ESPNL: variants seen among roughly 807,000 people sequenced by gnomAD.
ESPNL encodes espin-like protein.
A neutral mutation model predicts 46.8 loss-of-function variants in ESPNL; 49 were observed. That is an observed-to-expected ratio of 1.05 (90% CI 0.83 to 1.33). ESPNL has a LOEUF of 1.33. Ranked by LOEUF, ESPNL falls within the 40% of genes most tolerant of loss-of-function variation. The probability of loss-of-function intolerance (pLI) is 0.00; values close to 1 mark genes in which losing one functional copy is unlikely to be tolerated. For missense variants in ESPNL, 1,540 were observed against 1,436.6 expected (o/e 1.07, Z -1.16); for synonymous variants, 664 against 662.1 (o/e 1.00, Z -0.04).
intron 5 of ESPNL, among the ~76,000 whole-genome samples, chr2:238,118,828 TGGAGGAGGGTGGAA>T (rs1691898301): frequency 1.1e-5 from 1 of 92,140 alleles, no homozygotes; most frequent in African/African-American, 4.4e-5. Flanking sequence ...GAGGAATGGA[TGGAGGAGGGTGGAA>T]GGAAGAGGGT....
rs61571075 is a variant in ESPNL at position 238,128,781 on chromosome 2, C to T, written c.1290C>T (p.Gly430=). The T allele has an allele frequency of 1.3e-6, 2 of 1,580,350 alleles. No individual in the cohort carries two copies. The highest frequency in any genetic ancestry group is 1.7e-6 in the Non-Finnish European group (2 of 1,164,342). Residue 430 remains glycine (G), a synonymous_variant, in exon 8 of 9, where the codon GGC becomes GGT. Transcript: ENST00000343063. ...TACAGCTGGATGGGCTGCCCTCAGG[C>T]GACATCGACGGGCTGGTGCCCACGC... ...AALQLDGLPS[G]DIDGLVPTRD... is the part of the protein sequence containing the mutation.
At chr2:238,127,575 C>A in intron 6 of ESPNL, 47 bp from the exon 7 acceptor site, 1 of 1,531,574 alleles carries the variant, frequency 6.5e-7, no homozygotes, top group Non-Finnish European at 8.8e-7. Context: ...TGGGTCTCTG[C>A]TCCCCAGCCC....
rs1241393378 is a variant in ESPNL at position 238,132,022 on chromosome 2, G to A, written c.*290G>A. 1 of 334,996 alleles carries A rather than the reference G, an allele frequency of 3.0e-6. No homozygotes were observed. The highest frequency in any genetic ancestry group is 2.1e-5 in the African/African-American group (1 of 46,802). The allele number at this position is 334,996 out of a possible 1,614,324, so 20.8% of individuals were successfully genotyped here. ...CTGCCCAGCCGGCCCCCGAGACCTG[G>A]GATGCTGCCTGTTTCTCACTTGTCC... On this transcript the variant is annotated 3_prime_UTR_variant, in exon 9 of 9. Transcript: ENST00000343063.
intron 2 of ESPNL, among the ~76,000 whole-genome samples, chr2:238,104,036 C>T (rs943769026): frequency 2.0e-5 from 3 of 152,154 alleles, no homozygotes; most frequent in African/African-American, 4.8e-5. Flanking sequence ...TGCTCAGATT[C>T]GTCTATCAGA....
chr2:238,129,277 G>C (rs1199497003), intron 8 of ESPNL: 14 of 1,121,398 alleles, frequency 1.2e-5, no homozygotes, highest in Admixed American at 4.6e-5. Context: ...TGTGGAGAAA[G>C]CAAAGCAGTT....
chr2:238,118,108 T>C (rs1347001444), intron 5 of ESPNL, among the ~76,000 whole-genome samples: 20 of 67,280 alleles, frequency 3.0e-4, no homozygotes, highest in African/African-American at 1.2e-3. Context: ...GATGGAGGAG[T>C]TGGATGGAGG....
At chr2:238,129,032 C>T (rs930491312) in intron 8 of ESPNL, 128 bp downstream of exon 8, 44 of 1,435,334 alleles carry the variant, frequency 3.1e-5, no homozygotes, top group Non-Finnish European at 3.6e-5. Context: ...CCTCTGTGGC[C>T]TCAGCTGCTG....
At position 238,130,160 on chromosome 2, in the gene ESPNL, G is replaced by C. The variant is rs750920286; in HGVS notation, c.1446G>C (p.Gln482His). 7 of 1,612,678 alleles carry C rather than the reference G, an allele frequency of 4.3e-6. No individual in the cohort carries two copies. The South Asian group carries it at 7.7e-5, about 18-fold the overall frequency. The change falls in exon 9 of 9, where the codon CAG (glutamine) becomes CAC (histidine). Residue 482 changes from glutamine (Q) to histidine (H), a missense_variant. Physicochemically the swap from Gln to His is conservative, Grantham distance 24. Coordinates refer to ENST00000343063, the MANE Select transcript of ESPNL (RefSeq NM_194312.4). ...DNGGSSGPTE[Q>H]AAWRYSQTHQ... ...GTGGGAGCTCAGGCCCCACGGAGCA[G>C]GCGGCCTGGAGGTACTCACAGACTC... is the stretch of plus-strand genomic sequence containing the variant.
In ESPNL at chr2:238,104,771, C is replaced by T. The variant is rs141503044; in HGVS notation, c.601C>T (p.Arg201Cys). The T allele has an allele frequency of 2.1e-5, 33 of 1,600,846 alleles. No homozygotes were observed. Among genetic ancestry groups the T allele is most frequent in the African/African-American group, 1.5e-4 (11 of 74,600 alleles). The change falls in exon 3 of 9, where the codon CGT becomes TGT. Residue 201 changes from arginine to cysteine, a missense_variant. Transcript: ENST00000343063. ...VKDCGADVHLRALDGMSALHA... is the reference protein window; with the variant it reads ...VKDCGADVHLCALDGMSALHA... ...GGACTGTGGCGCTGACGTGCACCTT[C>T]GTGCTCTCGATGGCATGAGCGCCCT...
intron 4 of ESPNL, among the ~76,000 whole-genome samples, chr2:238,113,321 T>C (rs992431726): frequency 6.6e-6 from 1 of 152,252 alleles, no homozygotes; most frequent in African/African-American, 2.4e-5. Flanking sequence ...TACCTATTGG[T>C]GCATTTAGAC....
chr2:238,121,822 A>C (rs1691993635), intron 5 of ESPNL, among the ~76,000 whole-genome samples: 1 of 152,190 alleles, frequency 6.6e-6, no homozygotes, highest in Non-Finnish European at 1.5e-5. Flanking sequence ...AGACATCTTT[A>C]TTTTATATAT....
chr2:238,127,391 C>T (rs546994892), intron 6 of ESPNL: 211 of 1,308,474 alleles, frequency 1.6e-4, no homozygotes, highest in Non-Finnish European at 2.0e-4. Context: ...CGTGGCCCAG[C>T]GGTGTGCCGC....
chr2:238,119,419 A>C (rs1229960007), intron 5 of ESPNL, among the ~76,000 whole-genome samples: 1 of 96,952 alleles, frequency 1.0e-5, no homozygotes, highest in Non-Finnish European at 2.0e-5. Context: ...TGGATGGAGG[A>C]GGGTAGATGG....
rs865954536 is a variant in ESPNL, at chr2:238,112,116, G to A, written c.855+4143G>A. Among the ~76,000 whole-genome samples, 118 of 151,978 alleles carry A rather than the reference G, an allele frequency of 7.8e-4. 1 individual carries two copies. The highest frequency in any genetic ancestry group is 2.3e-3 in the African/African-American group (97 of 41,416). The stretch of plus-strand genomic sequence containing the variant: ...TTTAAAGGTTTTGTGGAATTCACTC[G>A]TGAAATCCTCTGGATCTGGCTGTTT... On this transcript the variant is annotated intron_variant, in intron 4 of 8. Coordinates refer to ENST00000343063, the MANE Select transcript of ESPNL (RefSeq NM_194312.4).
Position 238,125,812 on chromosome 2 carries a change from A to AG in ESPNL, c.1102+428_1102+429insG, listed in dbSNP as rs1559266372. On this transcript the variant is annotated intron_variant, in intron 6 of 8. Coordinates refer to ENST00000343063, the MANE Select transcript of ESPNL (RefSeq NM_194312.4). ...GTGGAGTGGAGTGGAGTGGAGTGGA[A>AG]TGGAATTATCAACAGGTGCCACAGG... is the stretch of plus-strand genomic sequence containing the variant. Among the ~76,000 whole-genome samples, 27 of 63,234 alleles carry AG rather than the reference A, an allele frequency of 4.3e-4. 1 individual carries two copies. Among genetic ancestry groups the AG allele is most frequent in the African/African-American group, 7.8e-4 (17 of 21,930 alleles). The allele number at this position is 63,234 out of a possible 152,430, so 41.5% of individuals were successfully genotyped here.
At position 238,100,671 on chromosome 2, in the gene ESPNL, C is replaced by T. The variant is rs766125632; in HGVS notation, c.252C>T (p.Ala84=). The change falls in exon 1 of 9, where the codon GCC becomes GCT. Residue 84 remains alanine (A), a synonymous_variant. Coordinates refer to ENST00000343063, the MANE Select transcript of ESPNL (RefSeq NM_194312.4). ...ACGCCGCTGCCACGGGCAGCCTGGC[C>T]GAGCTGTGCTGGCTGGTCCGCGAGG... ...AHDAAATGSL[A]ELCWLVREGG... 22 of 1,448,238 alleles carry T rather than the reference C, an allele frequency of 1.5e-5. No individual in the cohort carries two copies. The highest frequency in any genetic ancestry group is 1.9e-5 in the Non-Finnish European group (21 of 1,109,132). The allele number at this position is 1,448,238 out of a possible 1,614,324, so 89.7% of individuals were successfully genotyped here.
At chr2:238,105,070 G>A (rs894153627) in intron 3 of ESPNL, among the ~76,000 whole-genome samples, 4 of 152,110 alleles carry the variant, frequency 2.6e-5, no homozygotes, top group Non-Finnish European at 4.4e-5. Flanking sequence ...GTCGTGCCAC[G>A]GCTCCCCTGG....
intron 8 of ESPNL, 71 bp from the exon 9 acceptor site, chr2:238,130,057 A>G (rs1043425071): frequency 6.6e-7 from 1 of 1,522,244 alleles, no homozygotes; most frequent in African/African-American, 1.4e-5. Flanking sequence ...GAACTCAGGG[A>G]CTTGGAAGCT....
At position 238,102,023 on chromosome 2, in the gene ESPNL, A is replaced by T; in HGVS notation, c.377A>T (p.Glu126Val). The T allele has an allele frequency of 6.2e-7, 1 of 1,607,014 alleles. No individual in the cohort carries two copies. Among genetic ancestry groups the T allele is most frequent in the Non-Finnish European group, 8.5e-7 (1 of 1,177,968 alleles). The change falls in exon 2 of 9, where the codon GAG becomes GTG. Residue 126 changes from glutamate to valine, a missense_variant. By Grantham distance (121) the Glu-to-Val change is moderately radical. Transcript: ENST00000343063. ...GTGCTGGTGGAGTGGCTGCTCCACG[A>T]GGGCCACTCGGCCACGCTAGAGACC... is the stretch of plus-strand genomic sequence containing the variant. ...HPVLVEWLLH[E>V]GHSATLETRE...
Sources: gnomAD v4.1 joint callset for allele counts (sites outside exome capture counted in the v4.1 genomes callset) on GRCh38, gnomAD v4.1.1 for gene constraint, MANE v1.5 for transcripts, NCBI Gene and HGNC (gene_info 2026-07-23, HGNC 2026-07-21) for gene names.